The following FHIT variants were observed in gnomAD, a reference collection of about 807,000 sequenced individuals.
The protein encoded by FHIT is fragile histidine triad diadenosine triphosphatase, also known as bis(5'-adenosyl)-triphosphatase.
Under a neutral mutation model 17.9 loss-of-function variants are expected in FHIT, and 19 were observed. That is an observed-to-expected ratio of 1.06 (90% CI 0.74 to 1.56). The LOEUF (loss-of-function observed/expected upper bound fraction) is 1.56. FHIT is among the 40% of genes most tolerant of loss of function. The pLI is 0.00. For synonymous variants in FHIT, 81 were observed against 69.7 expected, an observed-to-expected ratio of 1.16 and a Z score of -0.81; for missense variants, 248 against 189.2, an observed-to-expected ratio of 1.31 and a Z score of -1.82.
At chr3:59,901,368 G>A (rs1041422170) in intron 8 of FHIT, among the ~76,000 whole-genome samples, 3 of 152,216 alleles carry the variant, frequency 2.0e-5, no homozygotes, top group South Asian at 2.1e-4. Context: ...TGCCAATCTC[G>A]GGAGAGGTAT....
At chr3:60,798,015 T>G (rs1031028002) in intron 4 of FHIT, among the ~76,000 whole-genome samples, 8 of 152,202 alleles carry the variant, frequency 5.3e-5, no homozygotes, top group Admixed American at 5.2e-4. Flanking sequence ...GTTTAATTTC[T>G]AATTATTTAG....
intron 5 of FHIT, among the ~76,000 whole-genome samples, chr3:60,027,497 A>G (rs577963757): frequency 6.6e-6 from 1 of 152,238 alleles, no homozygotes; most frequent in Admixed American, 6.5e-5. Flanking sequence ...CTTTACCATC[A>G]TCACTTAAAA....
At chr3:61,059,560 T>C (rs1192762730) in intron 2 of FHIT, among the ~76,000 whole-genome samples, 1 of 152,170 alleles carries the variant, frequency 6.6e-6, no homozygotes, top group Non-Finnish European at 1.5e-5. Flanking sequence ...TTGTAAATAA[T>C]GGCCACATAT....
chr3:60,364,915 C>A (rs1202986157), intron 5 of FHIT, among the ~76,000 whole-genome samples: 1 of 152,014 alleles, frequency 6.6e-6, no homozygotes, highest in African/African-American at 2.4e-5. Flanking sequence ...GGACCTTGGG[C>A]CTAATTAGAT....
At chr3:61,218,633 G>C (rs2039750977) in intron 1 of FHIT, among the ~76,000 whole-genome samples, 1 of 152,154 alleles carries the variant, frequency 6.6e-6, no homozygotes, top group African/African-American at 2.4e-5. Flanking sequence ...AGAAGAGAAA[G>C]GGTAACCAGT....
chr3:59,997,757 G>A (rs902584201), intron 7 of FHIT, among the ~76,000 whole-genome samples: 10 of 152,120 alleles, frequency 6.6e-5, no homozygotes, highest in African/African-American at 1.7e-4. Context: ...TAATGAGCAT[G>A]CTGAGTATAA....
chr3:59,783,907 T>G (rs949456957), intron 8 of FHIT, among the ~76,000 whole-genome samples: 2 of 152,180 alleles, frequency 1.3e-5, no homozygotes, highest in Admixed American at 6.5e-5. Flanking sequence ...CATTGTCACC[T>G]CTCCCTGGTT....
intron 5 of FHIT, among the ~76,000 whole-genome samples, chr3:60,411,330 A>G (rs1474770768): frequency 1.3e-5 from 2 of 152,288 alleles, no homozygotes; most frequent in East Asian, 3.9e-4. Flanking sequence ...AACAGCATTC[A>G]TTGTAGGGAA....
intron 5 of FHIT, among the ~76,000 whole-genome samples, chr3:60,197,652 G>A (rs1426138155): frequency 2.6e-5 from 4 of 152,158 alleles, no homozygotes; most frequent in African/African-American, 9.7e-5. Flanking sequence ...TCTGGAAAGG[G>A]TATCTTAGTA....
At chr3:61,040,602 G>T (rs978477934) in intron 3 of FHIT, among the ~76,000 whole-genome samples, 1 of 141,778 alleles carries the variant, frequency 7.1e-6, no homozygotes, top group Admixed American at 7.0e-5. Flanking sequence ...TTTTCTAATC[G>T]TTAATCTTTA....
intron 5 of FHIT, among the ~76,000 whole-genome samples, chr3:60,357,033 C>T (rs879533666): frequency 1.3e-5 from 2 of 152,138 alleles, no homozygotes; most frequent in African/African-American, 2.4e-5. Context: ...GAGAGCCATA[C>T]AATACAGTCA....
chr3:60,610,966 A>C (rs939498), intron 4 of FHIT, among the ~76,000 whole-genome samples: 138,160 of 152,214 alleles, frequency 0.91, 62,794 homozygotes, highest in African/African-American at 0.94. Flanking sequence ...TCTTAAGCCT[A>C]AATTTCCTCA....
intron 4 of FHIT, among the ~76,000 whole-genome samples, chr3:60,748,052 T>C (rs2042393199): frequency 6.6e-6 from 1 of 152,206 alleles, no homozygotes; most frequent in Admixed American, 6.5e-5. Context: ...GTGACTAGAC[T>C]GCTGGGGGCC....
At chr3:60,045,669 C>T (rs1366900408) in intron 5 of FHIT, among the ~76,000 whole-genome samples, 2 of 152,136 alleles carry the variant, frequency 1.3e-5, no homozygotes, top group Non-Finnish European at 2.9e-5. Context: ...TTGCTTTCTC[C>T]CCTCCAGGGA....
chr3:60,368,887 G>A (rs1276243351), intron 5 of FHIT, among the ~76,000 whole-genome samples: 2 of 151,382 alleles, frequency 1.3e-5, no homozygotes, highest in African/African-American at 4.9e-5. Context: ...CTATTGATAT[G>A]GCTCAAAGTT....
chr3:61,208,345 G>A (rs9839793), intron 1 of FHIT, among the ~76,000 whole-genome samples: 65,825 of 151,524 alleles, frequency 0.43, 14,874 homozygotes, highest in East Asian at 0.58. Context: ...TTGGTGCAGA[G>A]CTGAGTTCAA....
At chr3:59,888,116 C>G (rs75005223) in intron 8 of FHIT, among the ~76,000 whole-genome samples, 13,516 of 152,154 alleles carry the variant, frequency 0.089, 823 homozygotes, top group Middle Eastern at 0.21. Flanking sequence ...CTGTTGCCAT[C>G]GGGGCACTCT....
At chr3:61,056,836 G>A (rs1394124855) in intron 2 of FHIT, among the ~76,000 whole-genome samples, 2 of 152,074 alleles carry the variant, frequency 1.3e-5, no homozygotes, top group African/African-American at 2.4e-5. Flanking sequence ...CCTAAAATAC[G>A]GGTACCAGCA....
intron 7 of FHIT, among the ~76,000 whole-genome samples, chr3:59,942,797 C>T (rs1350642877): frequency 6.6e-6 from 1 of 152,020 alleles, no homozygotes; most frequent in Non-Finnish European, 1.5e-5. Context: ...TACAGGCATG[C>T]ACCACATTGG....
Sources: allele counts gnomAD v4.1 joint callset (sites outside exome capture counted in the v4.1 genomes callset), GRCh38; gene constraint gnomAD v4.1.1; transcripts MANE v1.5; gene names NCBI Gene and HGNC (gene_info 2026-07-23, HGNC 2026-07-21).